PCLO: variants seen among roughly 807,000 people sequenced by gnomAD.
PCLO encodes piccolo presynaptic cytomatrix protein, also known as protein piccolo.
Under a neutral mutation model 427.5 loss-of-function variants are expected in PCLO, and 82 were observed. That is an observed-to-expected ratio of 0.19 (90% CI 0.16 to 0.23). The LOEUF (loss-of-function observed/expected upper bound fraction) is 0.23. Ranked by LOEUF, PCLO falls within the 10% of genes least tolerant of loss-of-function variation. The pLI, the probability that PCLO is intolerant of heterozygous loss-of-function variation, is 1.00. For missense variants in PCLO, 6,239 were observed against 6,115.9 expected (o/e 1.02, Z -0.67); for synonymous variants, 2,357 against 2,155.4 (o/e 1.09, Z -2.59).
At chr7:82,786,992 G>C (rs1287450628) in intron 22 of PCLO, among the ~76,000 whole-genome samples, 1 of 152,002 alleles carries the variant, frequency 6.6e-6, no homozygotes, top group Admixed American at 6.6e-5. Flanking sequence ...GTCTATCACT[G>C]ATAGGCGTTT....
At chr7:83,101,240 A>G (rs1233937034) in intron 3 of PCLO, among the ~76,000 whole-genome samples, 1 of 151,860 alleles carries the variant, frequency 6.6e-6, no homozygotes, top group African/African-American at 2.4e-5. Flanking sequence ...AAAGACAATC[A>G]TGATAGGTTA....
rs151221177 is a variant in PCLO, at chr7:82,995,664, T to C, written c.3301-29177A>G. 1.5e-3 allele frequency among the ~76,000 whole-genome samples: 224 copies of C among 152,116 alleles called. 1 individual carries two copies. Among genetic ancestry groups the C allele is most frequent in the African/African-American group, 5.2e-3 (215 of 41,556 alleles). On this transcript the variant is annotated intron_variant, in intron 3 of 24. Transcript: ENST00000333891. ...AAATCTGAAAGCAGATGGTCTTTGA[T>C]TGGACCCAAGGCTGCTACTTCCTAA...
chr7:82,921,747 G>A (rs1335304906), intron 6 of PCLO, among the ~76,000 whole-genome samples: 4 of 151,674 alleles, frequency 2.6e-5, no homozygotes, highest in African/African-American at 7.3e-5. Context: ...TGGACAAGTG[G>A]GACCTAACTA....
intron 6 of PCLO, among the ~76,000 whole-genome samples, chr7:82,939,420 G>A (rs1366955734): frequency 6.6e-6 from 1 of 151,718 alleles, no homozygotes; most frequent in Non-Finnish European, 1.5e-5. Context: ...AAATCCCTAA[G>A]CTCAAAATTA....
chr7:82,761,082 G>T (rs886279775), intron 23 of PCLO, among the ~76,000 whole-genome samples: 2 of 150,520 alleles, frequency 1.3e-5, no homozygotes, highest in Non-Finnish European at 3.0e-5. Context: ...TACATAGAGG[G>T]ACTACAGGCA....
intron 21 of PCLO, among the ~76,000 whole-genome samples, chr7:82,804,705 C>T (rs1791423867): frequency 1.3e-5 from 2 of 152,150 alleles, no homozygotes; most frequent in South Asian, 2.1e-4. Context: ...CTAATAGGCA[C>T]GGTTGTGTTC....
At position 82,999,114 on chromosome 7, in the gene PCLO, A is replaced by G. The variant is rs1225404642; in HGVS notation, c.3301-32627T>C. Among the ~76,000 whole-genome samples, 3 of 149,576 alleles carry G rather than the reference A, an allele frequency of 2.0e-5. No individual in the cohort carries two copies. The Admixed American group carries it at 2.0e-4, about 10-fold the overall frequency. On this transcript the variant is annotated intron_variant, in intron 3 of 24. Coordinates refer to ENST00000333891, the MANE Select transcript of PCLO (RefSeq NM_033026.6). ...AGAATCTCTGAGATTAAATATCAAG[A>G]ATATATCAATAGAAACTCCAAAACC...
rs1336636773 is a variant in PCLO, at chr7:83,162,741, C to G, written c.-149G>C. 50 of 1,030,958 alleles carry G rather than the reference C, an allele frequency of 4.8e-5. No individual in the cohort carries two copies. The Admixed American group carries it at 1.5e-3, about 31-fold the overall frequency. 63.9% of individuals were successfully genotyped at this position (1,030,958 alleles called of 1,614,324 possible). ...GGACTCTGGACCAGGCACTGCCGCC[C>G]GGAACGCCAGGCAGGGGTTAGTCCC... On this transcript the variant is annotated 5_prime_UTR_variant, in exon 1 of 25. Coordinates refer to ENST00000333891, the MANE Select transcript of PCLO (RefSeq NM_033026.6).
intron 9 of PCLO, among the ~76,000 whole-genome samples, chr7:82,896,405 T>C (rs1419922179): frequency 6.6e-6 from 1 of 151,720 alleles, no homozygotes; most frequent in Non-Finnish European, 1.5e-5. Context: ...CAAAACTGTA[T>C]ATTGAATGAT....
At chr7:82,998,511 C>T (rs1787691186) in intron 3 of PCLO, among the ~76,000 whole-genome samples, 1 of 151,898 alleles carries the variant, frequency 6.6e-6, no homozygotes, top group Non-Finnish European at 1.5e-5. Context: ...TAGCCAACTC[C>T]AGCCAGCTCT....
Position 83,012,020 on chromosome 7 carries a change from T to G in PCLO, c.3301-45533A>C, listed in dbSNP as rs566345631. 2.6e-5 allele frequency among the ~76,000 whole-genome samples: 4 copies of G among 152,260 alleles called. No individual in the cohort carries two copies. In the South Asian group the frequency reaches 8.3e-4, roughly 32 times the overall value. ...TACAAATTTATTTATTTATTTAAATTGACAGATGAAATTATATGTATTTAT... is the reference window on the plus strand; with the variant it reads ...TACAAATTTATTTATTTATTTAAATGGACAGATGAAATTATATGTATTTAT... On this transcript the variant is annotated intron_variant, in intron 3 of 24. Transcript: ENST00000333891.
chr7:83,149,447 A>G (rs574452742), intron 2 of PCLO, among the ~76,000 whole-genome samples: 1 of 152,294 alleles, frequency 6.6e-6, no homozygotes, highest in South Asian at 2.1e-4. Context: ...AATCTTTTAG[A>G]AAGTGGGACT....
intron 10 of PCLO, among the ~76,000 whole-genome samples, chr7:82,870,391 A>G (rs1169452270): frequency 6.6e-6 from 1 of 152,118 alleles, no homozygotes; most frequent in African/African-American, 2.4e-5. Flanking sequence ...ATTCATATGC[A>G]GAAGATTAAA....
rs1315885436 is a variant in PCLO, at chr7:82,754,283, C to T, written c.*4292G>A. On this transcript the variant is annotated 3_prime_UTR_variant, in exon 25 of 25. Coordinates refer to ENST00000333891, the MANE Select transcript of PCLO (RefSeq NM_033026.6). ...GGTAAAACAAACAAACAAAAAAACA[C>T]ATTAGCAAATCACCAACATGGCATG... The T allele has an allele frequency of 6.6e-6, 1 of 152,036 alleles. No individual in the cohort carries two copies. Among genetic ancestry groups the T allele is most frequent in the Admixed American group, 6.6e-5 (1 of 15,254 alleles). 9.4% of individuals were successfully genotyped at this position (152,036 alleles called of 1,614,324 possible).
intron 10 of PCLO, among the ~76,000 whole-genome samples, chr7:82,855,298 C>T (rs529731711): frequency 6.6e-6 from 1 of 152,156 alleles, no homozygotes; most frequent in East Asian, 1.9e-4. Flanking sequence ...TAAAAAGTGA[C>T]ACCTAAGAGG....
intron 7 of PCLO, among the ~76,000 whole-genome samples, chr7:82,911,890 G>C (rs1794331280): frequency 6.6e-6 from 1 of 152,122 alleles, no homozygotes; most frequent in Non-Finnish European, 1.5e-5. Context: ...CAAAGTGCTG[G>C]AATTACAGGC....
At chr7:83,007,169 T>A (rs1787966951) in intron 3 of PCLO, among the ~76,000 whole-genome samples, 1 of 151,444 alleles carries the variant, frequency 6.6e-6, no homozygotes. Context: ...GTCTTCTCCT[T>A]AGAAACTTAA....
In PCLO at chr7:82,906,862, G is replaced by T. The variant is rs188392979; in HGVS notation, c.13437+2015C>A. On this transcript the variant is annotated intron_variant, in intron 8 of 24. Coordinates refer to ENST00000333891, the MANE Select transcript of PCLO (RefSeq NM_033026.6). ...AAATGTAAAAAATTACTTTTAGCAAGAATATACACATTATTATATTCACCT... is the reference window on the plus strand; with the variant it reads ...AAATGTAAAAAATTACTTTTAGCAATAATATACACATTATTATATTCACCT... Among the ~76,000 whole-genome samples the T allele has an allele frequency of 2.5e-3, 376 of 151,976 alleles. 1 individual carries two copies. The highest frequency in any genetic ancestry group is 6.8e-3 in the Middle Eastern group (2 of 294).
chr7:82,778,003 A>G (rs1365387593), intron 22 of PCLO, among the ~76,000 whole-genome samples: 1 of 152,192 alleles, frequency 6.6e-6, no homozygotes, highest in Non-Finnish European at 1.5e-5. Context: ...AATTTTTGCA[A>G]ACTATGCATC....
Sources: gnomAD v4.1 joint callset for allele counts (sites outside exome capture counted in the v4.1 genomes callset) on GRCh38, gnomAD v4.1.1 for gene constraint, MANE v1.5 for transcripts, NCBI Gene and HGNC (gene_info 2026-07-23, HGNC 2026-07-21) for gene names.